TGS1: variants seen among roughly 807,000 people sequenced by gnomAD.
TGS1 encodes trimethylguanosine synthase.
In TGS1, 69 loss-of-function variants were observed where a neutral mutation model predicts 92.2. The ratio of observed to expected loss-of-function variants is 0.75; its 90% CI spans 0.62 to 0.91. The LOEUF is 0.91. Ranked by LOEUF, TGS1 falls within the 40% of genes least tolerant of loss-of-function variation. TGS1 has a pLI of 0.00. For synonymous variants in TGS1, 345 were observed against 338.1 expected, an observed-to-expected ratio of 1.02 and a Z score of -0.22; for missense variants, 1,062 against 1,001.2, an observed-to-expected ratio of 1.06 and a Z score of -0.82.
intron 1 of TGS1, among the ~76,000 whole-genome samples, chr8:55,778,938 G>A (rs1008792929): frequency 9.9e-5 from 15 of 152,214 alleles, no homozygotes; most frequent in African/African-American, 3.4e-4. Context: ...AGAGGTATGA[G>A]GATAAGAATT....
chr8:55,780,321 T>C (rs1210108864), intron 1 of TGS1, among the ~76,000 whole-genome samples: 1 of 152,020 alleles, frequency 6.6e-6, no homozygotes, highest in Non-Finnish European at 1.5e-5. Flanking sequence ...AGGTGTGCAC[T>C]ACTACACCTG....
intron 9 of TGS1, 103 bp from the exon 10 acceptor site, chr8:55,804,790 A>G: frequency 2.0e-6 from 2 of 992,714 alleles, no homozygotes; most frequent in Non-Finnish European, 2.9e-6. Flanking sequence ...AAGGGAAACT[A>G]AGCTTTTTAA....
intron 3 of TGS1, 51 bp from the exon 4 acceptor site, chr8:55,786,187 T>C (rs1364253761): frequency 2.0e-6 from 2 of 1,014,352 alleles, no homozygotes. Flanking sequence ...TTCTACTTTC[T>C]TTTATAGTTC....
intron 10 of TGS1, among the ~76,000 whole-genome samples, chr8:55,808,790 A>G (rs1803256783): frequency 3.3e-5 from 5 of 152,254 alleles, no homozygotes; most frequent in Admixed American, 3.3e-4. Flanking sequence ...GATTACAGGC[A>G]TGAGCCACCA....
chr8:55,813,214 A>T, intron 12 of TGS1, 96 bp downstream of exon 12: 1 of 871,106 alleles, frequency 1.1e-6, no homozygotes, highest in South Asian at 1.6e-5. Context: ...GAATGTGTTT[A>T]TGAGAAGTCC....
At chr8:55,777,539 CT>C (rs1326712583) in intron 1 of TGS1, among the ~76,000 whole-genome samples, 19 of 147,528 alleles carry the variant, frequency 1.3e-4, no homozygotes, top group Admixed American at 4.1e-4. Flanking sequence ...TTGCCATTAT[CT>C]TTTTTTTTTT....
chr8:55,813,930 G>A (rs556322496), intron 12 of TGS1, among the ~76,000 whole-genome samples: 7 of 151,896 alleles, frequency 4.6e-5, no homozygotes, highest in African/African-American at 4.8e-5. Flanking sequence ...GCTGAGTAGC[G>A]CTTTTTTTGT....
At chr8:55,813,899 C>T (rs1803401309) in intron 12 of TGS1, among the ~76,000 whole-genome samples, 1 of 152,074 alleles carries the variant, frequency 6.6e-6, no homozygotes, top group Non-Finnish European at 1.5e-5. Flanking sequence ...GTTGCCTGTG[C>T]TTTAGAGTTT....
At position 55,796,071 on chromosome 8, in the gene TGS1, A is replaced by C. The variant is rs747244096; in HGVS notation, c.1461A>C (p.Gln487His). ...LKSKYLDMRR[Q>H]IKMKNKHIFF... ...CTAAGTACCTAGACATGCGCAGACA[A>C]ATAAAGATGAAAAACAAACACATCT... Residue 487 changes from glutamine (Q) to histidine (H), a missense_variant, in exon 7 of 13, where the codon CAA becomes CAC. Physicochemically the swap from Gln to His is conservative, Grantham distance 24 (BLOSUM62 0). Coordinates refer to ENST00000260129, the MANE Select transcript of TGS1 (RefSeq NM_024831.8). 6 of 1,613,302 alleles carry C rather than the reference A, an allele frequency of 3.7e-6. No homozygotes were observed. Among genetic ancestry groups the C allele is most frequent in the Admixed American group, 1.7e-5 (1 of 59,970 alleles).
At chr8:55,801,373 C>A (rs537161977) in intron 8 of TGS1, among the ~76,000 whole-genome samples, 1 of 151,372 alleles carries the variant, frequency 6.6e-6, no homozygotes, top group South Asian at 2.1e-4. Flanking sequence ...CAGGTTCAAG[C>A]GATTCTTCTG....
chr8:55,817,738 A>T (rs1803523242), intron 12 of TGS1, among the ~76,000 whole-genome samples: 1 of 152,212 alleles, frequency 6.6e-6, no homozygotes, highest in African/African-American at 2.4e-5. Context: ...AGCATGAGAG[A>T]ATAAAAAGAA....
intron 11 of TGS1, among the ~76,000 whole-genome samples, chr8:55,812,652 C>A (rs1803369719): frequency 6.6e-6 from 1 of 152,020 alleles, no homozygotes. Context: ...CTACTGCACT[C>A]CAGCCTGGGC....
At chr8:55,790,487 A>C (rs978783296) in intron 5 of TGS1, among the ~76,000 whole-genome samples, 188 bp downstream of exon 5, 8 of 145,756 alleles carry the variant, frequency 5.5e-5, no homozygotes, top group African/African-American at 2.1e-4. Context: ...TGCCACTCAC[A>C]AACTCTAAGT....
At chr8:55,777,011 T>G (rs769827028) in intron 1 of TGS1, among the ~76,000 whole-genome samples, 54 of 151,984 alleles carry the variant, frequency 3.6e-4, no homozygotes, top group Non-Finnish European at 3.7e-4. Flanking sequence ...TTTTGGGTTT[T>G]GGGAGGTTTA....
At chr8:55,816,963 C>T (rs1803499296) in intron 12 of TGS1, among the ~76,000 whole-genome samples, 1 of 151,954 alleles carries the variant, frequency 6.6e-6, no homozygotes, top group African/African-American at 2.4e-5. Flanking sequence ...CTCCCGGGTT[C>T]AAGCGATTCT....
rs541864098 is a variant in TGS1 at position 55,809,417 on chromosome 8, G to T, written c.2144-1464G>T. 4.6e-5 allele frequency among the ~76,000 whole-genome samples: 7 copies of T among 151,954 alleles called. No homozygotes were observed. The South Asian group carries it at 1.5e-3, about 32-fold the overall frequency. ...CACATGTGGCTATTAAGCTGTCGAG[G>T]TGTGCTAGTGTGGCTGAGGATTAAC... On this transcript the variant is annotated intron_variant, in intron 10 of 12. Transcript: ENST00000260129.
chr8:55,779,715 C>G (rs1270223738), intron 1 of TGS1, among the ~76,000 whole-genome samples: 2 of 152,136 alleles, frequency 1.3e-5, no homozygotes, highest in Non-Finnish European at 2.9e-5. Flanking sequence ...GATTTCTCAA[C>G]TCACACCTCT....
chr8:55,804,654 A>G (rs78704798), intron 9 of TGS1, among the ~76,000 whole-genome samples: 2,008 of 152,328 alleles, frequency 0.013, 39 homozygotes, highest in African/African-American at 0.046. Flanking sequence ...GGAGGTATAC[A>G]GTATTACAAA....
chr8:55,821,832 G>A (rs1468873039), intron 12 of TGS1, among the ~76,000 whole-genome samples: 2 of 151,648 alleles, frequency 1.3e-5, no homozygotes, highest in African/African-American at 2.4e-5. Flanking sequence ...CCGAGATCAC[G>A]CCACTGCACT....
Sources: gnomAD v4.1 joint callset for allele counts (sites outside exome capture counted in the v4.1 genomes callset) on GRCh38, gnomAD v4.1.1 for gene constraint, MANE v1.5 for transcripts, NCBI Gene and HGNC (gene_info 2026-07-23, HGNC 2026-07-21) for gene names.